CD7: variants seen among roughly 807,000 people sequenced by gnomAD.
CD7 encodes the protein T-cell antigen CD7.
In CD7, 19 loss-of-function variants were observed where a neutral mutation model predicts 17.6. The ratio of observed to expected loss-of-function variants is 1.08; its 90% confidence interval spans 0.75 to 1.58. The LOEUF is 1.58. CD7 is among the 40% of genes most tolerant of loss of function. The pLI is 0.00. For missense variants in CD7, 291 were observed against 327.1 expected (o/e 0.89, Z 0.85); for synonymous variants, 160 against 159.8 (o/e 1.00, Z -0.01).
intron 1 of CD7, 33 bp from the exon 2 acceptor site, chr17:82,317,014 G>C (rs377134486): frequency 2.0e-6 from 3 of 1,534,718 alleles, no homozygotes; most frequent in Non-Finnish European, 2.6e-6. Context: ...CCATCAGTCT[G>C]GCCAGAAGGA....
intron 2 of CD7, 55 bp from the exon 3 acceptor site, chr17:82,316,464 C>A: frequency 1.4e-6 from 2 of 1,472,486 alleles, no homozygotes; most frequent in Non-Finnish European, 1.8e-6. Context: ...TGTTAGAGCC[C>A]CCGGGGTTTG....
intron 3 of CD7, chr17:82,315,813 C>G (rs945876828): frequency 3.4e-6 from 2 of 582,518 alleles, no homozygotes; most frequent in Admixed American, 3.0e-5. Context: ...CATGCACGCA[C>G]AGTCCTCAGA....
chr17:82,315,962 C>CGCACACGT, intron 3 of CD7: 1 of 640,404 alleles, frequency 1.6e-6, no homozygotes, highest in Non-Finnish European at 2.8e-6. Context: ...CCTGCACACG[C>CGCACACGT]GCACACGCGC....
chr17:82,315,733 G>A (rs115219780), intron 3 of CD7: 187 of 547,246 alleles, frequency 3.4e-4, no homozygotes, highest in African/African-American at 3.2e-3. Context: ...GAGTGGCCAC[G>A]CCTAGACTCT....
At chr17:82,316,626 C>G in intron 2 of CD7, 41 bp downstream of exon 2, 5 of 1,583,882 alleles carry the variant, frequency 3.2e-6, no homozygotes, top group Non-Finnish European at 4.3e-6. Context: ...TGGCCAGCAG[C>G]TGGGGTTGGG....
At chr17:82,315,605 G>A in intron 3 of CD7, 174 bp from the exon 4 acceptor site, 1 of 601,556 alleles carries the variant, frequency 1.7e-6, no homozygotes, top group Non-Finnish European at 3.0e-6. Context: ...AGGCAGGGCT[G>A]GGTCGGACCC....
At position 82,316,997 on chromosome 17, in the gene CD7, G is replaced by T; in HGVS notation, c.83-16C>A. ...TGCTGCACCTCTGGGGAGGACCTGG[G>T]CTGTCACCATCAGTCTGGCCAGAAG... On this transcript the variant is annotated splice_polypyrimidine_tract_variant and intron_variant, in intron 1 of 3. Transcript: ENST00000312648. 3.8e-6 allele frequency: 6 copies of T among 1,565,608 alleles called. No homozygotes were observed. The highest frequency in any genetic ancestry group is 5.2e-6 in the Non-Finnish European group (6 of 1,159,132).
chr17:82,315,483 C>T (rs769582280), intron 3 of CD7, 52 bp from the exon 4 acceptor site: 3 of 1,357,120 alleles, frequency 2.2e-6, no homozygotes, highest in Non-Finnish European at 3.2e-6. Context: ...GTGTCCTGGA[C>T]CCCACCCCAC....
intron 3 of CD7, chr17:82,315,707 C>G: frequency 5.5e-6 from 3 of 544,484 alleles, no homozygotes; most frequent in Non-Finnish European, 1.0e-5. Context: ...CCCAGACAAA[C>G]AGCAGGGACC....
Position 82,315,713 on chromosome 17 carries a change from G to T in CD7, c.613-282C>A. On this transcript the variant is annotated intron_variant, in intron 3 of 3. Coordinates refer to ENST00000312648, the MANE Select transcript of CD7 (RefSeq NM_006137.7). ...CACTCCAGCCCCAGACAAACAGCAGGGACCGAGGGGAGTGGCCACGCCTAG... is the reference window on the plus strand; with the variant it reads ...CACTCCAGCCCCAGACAAACAGCAGTGACCGAGGGGAGTGGCCACGCCTAG... The T allele has an allele frequency of 5.5e-6, 3 of 544,828 alleles. No homozygotes were observed. In the South Asian group the frequency reaches 6.2e-5, roughly 11 times the overall value. 33.7% of individuals were successfully genotyped at this position (544,828 alleles called of 1,614,324 possible).
rs912746229 is a variant in CD7, at chr17:82,315,000, G to A, written c.*321C>T. 9.5e-5 allele frequency: 30 copies of A among 317,038 alleles called. No individual in the cohort carries two copies. Among genetic ancestry groups the A allele is most frequent in the African/African-American group, 5.7e-4 (27 of 47,146 alleles). The allele number at this position is 317,038 out of a possible 1,614,324, so 19.6% of individuals were successfully genotyped here. On this transcript the variant is annotated 3_prime_UTR_variant, in exon 4 of 4. Coordinates refer to ENST00000312648, the MANE Select transcript of CD7 (RefSeq NM_006137.7). This position sits in a 1 kb window ranked among gnomAD's most constrained non-coding sequence, Gnocchi z 6.0. ...GCCGGCACTGACAGGAGAGGGCCGC[G>A]TGCCCAGGCCCATCCCACAGAAAAG...
In CD7 at chr17:82,314,927, C is replaced by T. The variant is rs2051993466; in HGVS notation, c.*394G>A. ...GGCTGGGTGGGGGACTGGTCTCCTCCCGTCCTCTGCCGGGCTGCCTGGGGG... is the reference window on the plus strand; with the variant it reads ...GGCTGGGTGGGGGACTGGTCTCCTCTCGTCCTCTGCCGGGCTGCCTGGGGG... On this transcript the variant is annotated 3_prime_UTR_variant, in exon 4 of 4. Transcript: ENST00000312648. This position sits in a 1 kb window ranked among gnomAD's most constrained non-coding sequence, Gnocchi z 6.0. 3.1e-5 allele frequency: 7 copies of T among 228,676 alleles called. No individual in the cohort carries two copies. The South Asian group carries it at 3.4e-4, about 11-fold the overall frequency. 14.2% of individuals were successfully genotyped at this position (228,676 alleles called of 1,614,324 possible).
Position 82,315,119 on chromosome 17 carries a change from A to G in CD7, c.*202T>C. ...CTGGGCAGGGAAGGCTTCCCGGAGG[A>G]GGCATCATTGTCCACTGAGAAGCAC... On this transcript the variant is annotated 3_prime_UTR_variant, in exon 4 of 4. Transcript: ENST00000312648. 1.9e-6 allele frequency: 1 copy of G among 534,878 alleles called. No individual in the cohort carries two copies. Among genetic ancestry groups the G allele is most frequent in the Non-Finnish European group, 3.4e-6 (1 of 293,760 alleles). 33.1% of individuals were successfully genotyped at this position (534,878 alleles called of 1,614,324 possible).
chr17:82,316,165 G>A lies in CD7; in HGVS notation c.612+30C>T, dbSNP rs542943579. ...CTCAGGAGAGGGAACAATCTTTGGG[G>A]TGCAGGTGGCAGCTGGGGCTCACAC... On this transcript the variant is annotated intron_variant, in intron 3 of 3. Coordinates refer to ENST00000312648, the MANE Select transcript of CD7 (RefSeq NM_006137.7). 1.4e-4 allele frequency: 214 copies of A among 1,545,108 alleles called. 7 individuals are homozygous for A. In the South Asian group the frequency reaches 2.4e-3, roughly 17 times the overall value.
intron 1 of CD7, 167 bp from the exon 2 acceptor site, chr17:82,317,148 G>A (rs1327065465): frequency 2.9e-6 from 2 of 687,334 alleles, no homozygotes; most frequent in East Asian, 2.7e-5. Context: ...GGCACCGGCT[G>A]TGGTGTTGGG....
chr17:82,316,527 G>GCTATCT (rs1265290524), intron 2 of CD7, 118 bp from the exon 3 acceptor site: 1 of 1,251,928 alleles, frequency 8.0e-7, no homozygotes, highest in Non-Finnish European at 1.1e-6. Context: ...CTATCTAGGA[G>GCTATCT]GCTGCTGGGG....
rs770715007 is a variant in CD7 at position 82,315,351 on chromosome 17, G to C, written c.693C>G (p.Asn231Lys). ...GGTACTGGTTGGGGGAGGACAGCGT[G>C]TTGCAGCGGCTGTGCGACATGTCCT... ...VYEDMSHSRC[N>K]TLSSPNQYQ Residue 231 changes from asparagine (N) to lysine (K), a missense_variant, in exon 4 of 4, where the codon AAC becomes AAG. By Grantham distance (94) the Asn-to-Lys change is moderately conservative (BLOSUM62 0). Transcript: ENST00000312648. 3 of 1,613,476 alleles carry C rather than the reference G, an allele frequency of 1.9e-6. No individual in the cohort carries two copies. The highest frequency in any genetic ancestry group is 2.5e-6 in the Non-Finnish European group (3 of 1,179,742).
Position 82,316,727 on chromosome 17 carries a change from T to C in CD7, c.337A>G (p.Thr113Ala), listed in dbSNP as rs34579511. Residue 113 changes from threonine (T) to alanine (A), a missense_variant, in exon 2 of 4, where the codon ACC (threonine) becomes GCC (alanine). Coordinates refer to ENST00000312648, the MANE Select transcript of CD7 (RefSeq NM_006137.7). The part of the protein sequence containing the change: ...RLQLSDTGTY[T>A]CQAITEVNVY... ...TTGACCTCCGTGATGGCCTGGCAGG[T>C]GTAGGTGCCAGTGTCCGACAGCTGC... The C allele has an allele frequency of 6.7e-4, 1,085 of 1,613,366 alleles. 1 individual carries two copies. In the African/African-American group the frequency reaches 0.013, roughly 19 times the overall value.
At position 82,316,862 on chromosome 17, in the gene CD7, C is replaced by A. The variant is rs2052021814; in HGVS notation, c.202G>T (p.Asp68Tyr). ...ACCCCGTCCTCGTAGTAAATGATGT[C>A]TTGGGGCTGTGGCCCGAGCTGCCTC... ...YLRQLGPQPQ[D>Y]IIYYEDGVVP... The change falls in exon 2 of 4, where the codon GAC becomes TAC. Residue 68 changes from aspartate to tyrosine, a missense_variant. Transcript: ENST00000312648. 1.2e-6 allele frequency: 2 copies of A among 1,613,832 alleles called. No homozygotes were observed. The highest frequency in any genetic ancestry group is 1.7e-6 in the Non-Finnish European group (2 of 1,180,002).
Sources: allele counts gnomAD v4.1 joint callset, GRCh38; gene constraint gnomAD v4.1.1; non-coding constraint Gnocchi (gnomAD v3.1); transcripts MANE v1.5; gene names NCBI Gene and HGNC (gene_info 2026-07-23, HGNC 2026-07-21).